The following ULK4 variants were observed in gnomAD, a reference collection of about 807,000 sequenced individuals.
ULK4 encodes unc-51 like kinase 4, also known as inactive serine/threonine-protein kinase ULK4.
In ULK4, 133 loss-of-function variants were observed where a neutral mutation model predicts 160.6. That is an observed-to-expected ratio of 0.83 (90% CI 0.72 to 0.96). The LOEUF (loss-of-function observed/expected upper bound fraction) is 0.96. ULK4 is among the 40% of genes least tolerant of loss of function. The pLI is 0.00. For synonymous variants in ULK4, 534 were observed against 539.8 expected (o/e 0.99, Z 0.15); for missense variants, 1,580 against 1,499.5 (o/e 1.05, Z -0.89).
chr3:41,751,115 C>A (rs1485104595), intron 22 of ULK4, among the ~76,000 whole-genome samples: 1 of 152,122 alleles, frequency 6.6e-6, no homozygotes, highest in African/African-American at 2.4e-5. Context: ...TGGGCTGGGA[C>A]AAATCTCTGC....
intron 21 of ULK4, among the ~76,000 whole-genome samples, chr3:41,770,965 C>T (rs555414287): frequency 2.0e-5 from 3 of 152,278 alleles, no homozygotes; most frequent in East Asian, 1.9e-4. Context: ...AACAAAACAA[C>T]TATGGCTACA....
At position 41,858,134 on chromosome 3, in the gene ULK4, G is replaced by GT. The variant is rs1291174630; in HGVS notation, c.1657-22164dup. On this transcript the variant is annotated intron_variant, in intron 17 of 36. Transcript: ENST00000301831. ...TACTGCTTTTACTGTATCCCATAGG[G>GT]TTTTTTTTGTTTGTTTTTTTTTTTT... is the stretch of plus-strand genomic sequence containing the variant. Among the ~76,000 whole-genome samples, 16 of 108,788 alleles carry GT rather than the reference G, an allele frequency of 1.5e-4. No homozygotes were observed. The East Asian group carries it at 2.3e-3, about 16-fold the overall frequency. The allele number at this position is 108,788 out of a possible 152,430, so 71.4% of individuals were successfully genotyped here.
rs1051507346 is a variant in ULK4, at chr3:41,341,446, C to A, written c.3678+56633G>T. On this transcript the variant is annotated intron_variant, in intron 35 of 36. Coordinates refer to ENST00000301831, the MANE Select transcript of ULK4 (RefSeq NM_017886.4). Reference sequence around the variant, plus strand: ...TTAGCTAATGGGATGTGAGTGGATACAATGGCAGCAGAGGCTTGGAATGCA... The same window carrying A: ...TTAGCTAATGGGATGTGAGTGGATAAAATGGCAGCAGAGGCTTGGAATGCA... 1.7e-4 allele frequency among the ~76,000 whole-genome samples: 26 copies of A among 152,296 alleles called. 1 individual carries two copies. Among genetic ancestry groups the A allele is most frequent in the Admixed American group, 1.6e-3 (25 of 15,290 alleles).
intron 35 of ULK4, among the ~76,000 whole-genome samples, chr3:41,269,530 T>C (rs535537596): frequency 6.6e-6 from 1 of 152,308 alleles, no homozygotes; most frequent in Admixed American, 6.5e-5. Context: ...CATTACAAAA[T>C]GGTGCCATGA....
intron 22 of ULK4, among the ~76,000 whole-genome samples, chr3:41,726,427 T>C (rs2037654168): frequency 6.6e-6 from 1 of 152,242 alleles, no homozygotes; most frequent in Admixed American, 6.5e-5. Context: ...AATTCACATC[T>C]ATAAAGGAGA....
At chr3:41,508,953 T>G (rs1046176030) in intron 32 of ULK4, among the ~76,000 whole-genome samples, 1 of 152,092 alleles carries the variant, frequency 6.6e-6, no homozygotes, top group East Asian at 1.9e-4. Context: ...TCACCAGCAA[T>G]GGATCCAAAC....
chr3:41,700,478 C>G (rs2036637495), intron 27 of ULK4, among the ~76,000 whole-genome samples: 1 of 152,160 alleles, frequency 6.6e-6, no homozygotes, highest in African/African-American at 2.4e-5. Flanking sequence ...AGGAGGCTGC[C>G]CTGGGAAGTT....
rs563836973 is a variant in ULK4 at position 41,735,905 on chromosome 3, T to C, written c.2322-18044A>G. On this transcript the variant is annotated intron_variant, in intron 22 of 36. Transcript: ENST00000301831. ...CCCTTCCTGTGTCCATGTGTTCTCA[T>C]TGTTCAATTCCCACCTATGAGTGAG... Among the ~76,000 whole-genome samples, 673 of 133,430 alleles carry C rather than the reference T, an allele frequency of 5.0e-3. 4 individuals carry two copies. The highest frequency in any genetic ancestry group is 0.018 in the African/African-American group (647 of 35,364). The allele number at this position is 133,430 out of a possible 152,430, so 87.5% of individuals were successfully genotyped here.
At chr3:41,564,498 C>G (rs1189830802) in intron 32 of ULK4, among the ~76,000 whole-genome samples, 2 of 125,140 alleles carry the variant, frequency 1.6e-5, no homozygotes, top group Non-Finnish European at 3.2e-5. Flanking sequence ...CACTCTTGTA[C>G]CCTAGGCTGG....
In ULK4 at chr3:41,726,161, A is replaced by G. The variant is rs1411684917; in HGVS notation, c.2322-8300T>C. Among the ~76,000 whole-genome samples, 7 of 152,244 alleles carry G rather than the reference A, an allele frequency of 4.6e-5. No homozygotes were observed. In the East Asian group the frequency reaches 1.3e-3, roughly 29 times the overall value. The stretch of plus-strand genomic sequence containing the variant: ...TTGCTTAACTACCATGGTTTGAAAT[A>G]TCTTTCACTTAAGGCAAAAAACTAT... On this transcript the variant is annotated intron_variant, in intron 22 of 36. Coordinates refer to ENST00000301831, the MANE Select transcript of ULK4 (RefSeq NM_017886.4).
intron 32 of ULK4, among the ~76,000 whole-genome samples, chr3:41,478,255 C>T (rs898029554): frequency 1.6e-4 from 25 of 152,316 alleles, no homozygotes; most frequent in African/African-American, 5.8e-4. Flanking sequence ...TAAAGTACCC[C>T]ATCAAATCCT....
intron 27 of ULK4, among the ~76,000 whole-genome samples, chr3:41,700,260 G>C (rs1189184489): frequency 2.0e-5 from 3 of 152,104 alleles, no homozygotes; most frequent in Non-Finnish European, 4.4e-5. Flanking sequence ...TGAGAGCATG[G>C]AGCTGACTGC....
intron 31 of ULK4, among the ~76,000 whole-genome samples, chr3:41,596,413 T>C (rs2031694443): frequency 1.3e-5 from 2 of 152,082 alleles, no homozygotes; most frequent in South Asian, 4.1e-4. Context: ...CTCTGGCAGA[T>C]GAGTAAGATA....
chr3:41,435,509 G>A (rs1360813195), intron 34 of ULK4, among the ~76,000 whole-genome samples: 1 of 152,100 alleles, frequency 6.6e-6, no homozygotes, highest in Non-Finnish European at 1.5e-5. Flanking sequence ...ATATAGGTGT[G>A]GCCCAAAATA....
At chr3:41,575,536 C>G (rs1375834288) in intron 31 of ULK4, among the ~76,000 whole-genome samples, 2 of 152,226 alleles carry the variant, frequency 1.3e-5, no homozygotes, top group Non-Finnish European at 2.9e-5. Flanking sequence ...GGGGCATCAT[C>G]ATTTGAAGGC....
chr3:41,611,486 C>T (rs2032673883), intron 31 of ULK4, among the ~76,000 whole-genome samples: 2 of 152,222 alleles, frequency 1.3e-5, no homozygotes, highest in Admixed American at 6.5e-5. Context: ...GACATCGGAT[C>T]GAACATCTGA....
chr3:41,390,906 A>G (rs2081942424), intron 35 of ULK4, among the ~76,000 whole-genome samples: 1 of 151,958 alleles, frequency 6.6e-6, no homozygotes, highest in Non-Finnish European at 1.5e-5. Flanking sequence ...AGCTGAGTTC[A>G]TTTTGTATCT....
In ULK4 at chr3:41,768,477, G is replaced by A. The variant is rs1162446150; in HGVS notation, c.2194-13989C>T. 2.6e-5 allele frequency among the ~76,000 whole-genome samples: 4 copies of A among 152,106 alleles called. No homozygotes were observed. In the East Asian group the frequency reaches 7.7e-4, roughly 29 times the overall value. ...CATGTAGATTCTACCTTGTACTCCT[G>A]AAACAGTCACTCTTGGAACTCTGCC... is the stretch of plus-strand genomic sequence containing the variant. On this transcript the variant is annotated intron_variant, in intron 21 of 36. Transcript: ENST00000301831.
At chr3:41,354,668 A>G (rs1370659978) in intron 35 of ULK4, among the ~76,000 whole-genome samples, 7 of 152,194 alleles carry the variant, frequency 4.6e-5, no homozygotes. Context: ...CCAGGTTACA[A>G]AAGTGTCCTG....
Sources: gnomAD v4.1 joint callset for allele counts (sites outside exome capture counted in the v4.1 genomes callset) on GRCh38, gnomAD v4.1.1 for gene constraint, MANE v1.5 for transcripts, NCBI Gene and HGNC (gene_info 2026-07-23, HGNC 2026-07-21) for gene names.